The following CEP63 variants were observed in gnomAD, a reference collection of about 807,000 sequenced individuals.
CEP63 encodes the protein centrosomal protein of 63 kDa.
Under a neutral mutation model 89.1 loss-of-function variants are expected in CEP63, and 84 were observed. The observed-to-expected ratio is 0.94, with a 90% CI of 0.79 to 1.13. The LOEUF (loss-of-function observed/expected upper bound fraction) is 1.13. Among genes scored for constraint, CEP63 ranks in the 50% most tolerant of loss-of-function variants. The pLI is 0.00. For missense variants in CEP63, 838 were observed against 813.3 expected (o/e 1.03, Z -0.37); for synonymous variants, 267 against 272.5 (o/e 0.98, Z 0.20).
chr3:134,664,399 C>T, the CEP63 span, among the ~76,000 whole-genome samples: 1 of 152,176 alleles, frequency 6.6e-6, no homozygotes, highest in Non-Finnish European at 1.5e-5. Flanking sequence ...AGCACCAGCC[C>T]AAACCTGAAC....
intron 11 of CEP63, among the ~76,000 whole-genome samples, chr3:134,571,142 A>G (rs181073202): frequency 6.6e-6 from 1 of 152,224 alleles, no homozygotes; most frequent in East Asian, 1.9e-4. Context: ...GAATATGCCA[A>G]AACAGAATGG....
chr3:134,742,511 T>A, the CEP63 span, among the ~76,000 whole-genome samples: 1 of 152,116 alleles, frequency 6.6e-6, no homozygotes, highest in Non-Finnish European at 1.5e-5. Context: ...GTTTTCTGAG[T>A]GGTCTCAGAT....
At chr3:134,649,059 A>G in the CEP63 span, among the ~76,000 whole-genome samples, 3 of 152,116 alleles carry the variant, frequency 2.0e-5, no homozygotes, top group South Asian at 6.2e-4. Context: ...CCTGAATATC[A>G]TCTCTGCCCA....
chr3:134,547,320 T>C lies in CEP63; in HGVS notation c.930-15T>C, dbSNP rs1953612542. 3 of 1,612,136 alleles carry C rather than the reference T, an allele frequency of 1.9e-6. No homozygotes were observed. The highest frequency in any genetic ancestry group is 3.3e-5 in the Admixed American group (2 of 59,984). On this transcript the variant is annotated splice_polypyrimidine_tract_variant and intron_variant, in intron 8 of 14. Coordinates refer to ENST00000675561, the MANE Select transcript of CEP63 (RefSeq NM_001353108.3). ...GAGATAAAGGCGTTAACAATCATCC[T>C]ATGTCTTTCCATAGGCCACGGGAAG...
chr3:134,770,901 A>G, the CEP63 span, among the ~76,000 whole-genome samples: 8 of 152,334 alleles, frequency 5.3e-5, 1 homozygote, highest in East Asian at 1.5e-3. Flanking sequence ...TTTCAAAGTT[A>G]CAGCTTGTGT....
chr3:134,626,906 A>G, the CEP63 span, among the ~76,000 whole-genome samples: 1 of 152,204 alleles, frequency 6.6e-6, no homozygotes, highest in African/African-American at 2.4e-5. Flanking sequence ...GCTCTGCAGA[A>G]TCTGTTCCTA....
the CEP63 span, among the ~76,000 whole-genome samples, chr3:134,738,184 T>C: frequency 6.6e-6 from 1 of 152,008 alleles, no homozygotes; most frequent in Admixed American, 6.6e-5. Context: ...TAGTCTCCAA[T>C]CTTGTCCAGG....
At chr3:134,570,277 T>C (rs760968478) in intron 11 of CEP63, among the ~76,000 whole-genome samples, 1 of 152,244 alleles carries the variant, frequency 6.6e-6, no homozygotes, top group Non-Finnish European at 1.5e-5. Context: ...TGCTGTTCTA[T>C]TGCATTGTCA....
At chr3:134,736,423 AATT>A in the CEP63 span, among the ~76,000 whole-genome samples, 23 of 152,160 alleles carry the variant, frequency 1.5e-4, no homozygotes, top group Non-Finnish European at 3.1e-4. Flanking sequence ...AGAGTTATAT[AATT>A]ATCTACATAA....
At chr3:134,531,306 C>G (rs976685873) in intron 3 of CEP63, among the ~76,000 whole-genome samples, 5 of 151,950 alleles carry the variant, frequency 3.3e-5, no homozygotes, top group African/African-American at 1.2e-4. Context: ...CAGTTTCGGC[C>G]GGGCGCGATG....
chr3:134,487,705 A>C (rs1412672688), intron 1 of CEP63, among the ~76,000 whole-genome samples: 1 of 152,200 alleles, frequency 6.6e-6, no homozygotes, highest in Non-Finnish European at 1.5e-5. Context: ...AGTTTTACAG[A>C]GCCACAGTAC....
At chr3:134,674,432 A>T in the CEP63 span, among the ~76,000 whole-genome samples, 1 of 152,266 alleles carries the variant, frequency 6.6e-6, no homozygotes, top group African/African-American at 2.4e-5. Flanking sequence ...AATATAAGGG[A>T]ACTTTTTTAA....
chr3:134,697,527 AG>A, the CEP63 span, among the ~76,000 whole-genome samples: 3 of 152,186 alleles, frequency 2.0e-5, no homozygotes, highest in Non-Finnish European at 4.4e-5. Flanking sequence ...AAGTGTTTGG[AG>A]GACTACACCT....
chr3:134,535,094 C>G (rs1950528903), intron 5 of CEP63, among the ~76,000 whole-genome samples: 1 of 152,070 alleles, frequency 6.6e-6, no homozygotes, highest in South Asian at 2.1e-4. Flanking sequence ...CCAAATTTCC[C>G]TCCTCTTAAA....
chr3:134,715,900 T>C, the CEP63 span, among the ~76,000 whole-genome samples: 1 of 152,224 alleles, frequency 6.6e-6, no homozygotes. Context: ...TTGTCTCCTA[T>C]TTAATATTTT....
chr3:134,593,068 G>A, the CEP63 span, among the ~76,000 whole-genome samples: 1 of 152,130 alleles, frequency 6.6e-6, no homozygotes, highest in Non-Finnish European at 1.5e-5. Context: ...CCTTAACATA[G>A]GTGTCCAGTA....
chr3:134,529,264 A>T (rs1367791813), intron 3 of CEP63, among the ~76,000 whole-genome samples: 1 of 151,574 alleles, frequency 6.6e-6, no homozygotes, highest in Non-Finnish European at 1.5e-5. Context: ...CATTATATTC[A>T]TTCACAGTTT....
At chr3:134,519,778 C>G (rs1393441419) in intron 3 of CEP63, among the ~76,000 whole-genome samples, 5 of 151,968 alleles carry the variant, frequency 3.3e-5, no homozygotes, top group Middle Eastern at 3.2e-3. Flanking sequence ...TGGGTTGTTT[C>G]AACATTCATA....
chr3:134,621,776 GA>G, the CEP63 span, among the ~76,000 whole-genome samples: 3 of 152,074 alleles, frequency 2.0e-5, no homozygotes, highest in African/African-American at 7.2e-5. Context: ...AAGGCAGAAA[GA>G]AAACTTACAA....
Sources: gnomAD v4.1 joint callset for allele counts (sites outside exome capture counted in the v4.1 genomes callset) on GRCh38, gnomAD v4.1.1 for gene constraint, MANE v1.5 for transcripts, NCBI Gene and HGNC (gene_info 2026-07-23, HGNC 2026-07-21) for gene names.